The following COL10A1 variants were observed in gnomAD, a reference collection of about 807,000 sequenced individuals.
COL10A1 encodes the protein collagen alpha-1(X) chain.
COL10A1 carries 10 observed loss-of-function variants against 18.2 expected under a neutral mutation model. The ratio of observed to expected loss-of-function variants is 0.55; its 90% CI spans 0.34 to 0.93. The LOEUF is 0.93. COL10A1 is among the 40% of genes least tolerant of loss of function. COL10A1 has a pLI of 0.02. For synonymous variants in COL10A1, 330 were observed against 316.6 expected, an observed-to-expected ratio of 1.04 and a Z score of -0.45; for missense variants, 897 against 853.5, an observed-to-expected ratio of 1.05 and a Z score of -0.64.
intron 1 of COL10A1, among the ~76,000 whole-genome samples, chr6:116,135,872 T>TATATATATATACACAC (rs368675402): frequency 8.2e-6 from 1 of 121,312 alleles, no homozygotes; most frequent in African/African-American, 3.5e-5. Flanking sequence ...TATATATATA[T>TATATATATATACACAC]ACACACATAC....
chr6:116,142,296 A>G (rs989756815), intron 1 of COL10A1, among the ~76,000 whole-genome samples: 2 of 151,720 alleles, frequency 1.3e-5, no homozygotes, highest in African/African-American at 4.8e-5. Context: ...TTTTTTTTCA[A>G]TTTATTTGGC....
chr6:116,147,610 G>T (rs1779931085), intron 1 of COL10A1, among the ~76,000 whole-genome samples: 1 of 151,988 alleles, frequency 6.6e-6, no homozygotes, highest in Non-Finnish European at 1.5e-5. Context: ...AATTATAAAT[G>T]GCCTTAAACC....
At position 116,121,513 on chromosome 6, in the gene COL10A1, C is replaced by A. The variant is rs747962638; in HGVS notation, c.603G>T (p.Glu201Asp). 4.3e-6 allele frequency: 7 copies of A among 1,614,022 alleles called. No individual in the cohort carries two copies. The African/African-American group carries it at 6.7e-5, about 15-fold the overall frequency. The change falls in exon 3 of 3, where the codon GAG becomes GAT. Residue 201 changes from glutamate (E) to aspartate (D), a missense_variant. Physicochemically the swap from Glu to Asp is conservative, Grantham distance 45. Coordinates refer to ENST00000651968, the MANE Select transcript of COL10A1 (RefSeq NM_000493.4). The stretch of plus-strand genomic sequence containing the variant: ...GACCCTGAGGGCCTGGAAGACCCCT[C>A]TCACCTGGACGACCAGGAGCACCAT... ...MGYGAPGRPG[E>D]RGLPGPQGPT...
chr6:116,195,613 A>G, the COL10A1 span, among the ~76,000 whole-genome samples: 1 of 152,038 alleles, frequency 6.6e-6, no homozygotes, highest in Non-Finnish European at 1.5e-5. Context: ...TCAAATGTAC[A>G]TAATCAGGGG....
intron 1 of COL10A1, among the ~76,000 whole-genome samples, chr6:116,147,036 G>A (rs1319529863): frequency 1.3e-5 from 2 of 149,932 alleles, no homozygotes; most frequent in Non-Finnish European, 3.0e-5. Flanking sequence ...TAGTCAGAAA[G>A]CCTTTGAAGT....
the COL10A1 span, among the ~76,000 whole-genome samples, chr6:116,180,820 G>A: frequency 0.51 from 77,370 of 151,916 alleles, 20,797 homozygotes; most frequent in African/African-American, 0.69. Context: ...CTGTAGGTTA[G>A]AGGACATTTA....
chr6:116,148,098 C>A (rs2114387848), intron 1 of COL10A1, among the ~76,000 whole-genome samples: 1 of 152,062 alleles, frequency 6.6e-6, no homozygotes, highest in East Asian at 1.9e-4. Flanking sequence ...TGGTATACAG[C>A]ATTTGTGTAA....
At chr6:116,133,713 A>G (rs1779522598) in intron 1 of COL10A1, among the ~76,000 whole-genome samples, 2 of 152,178 alleles carry the variant, frequency 1.3e-5, no homozygotes, top group African/African-American at 4.8e-5. Flanking sequence ...CTTCCCTAAT[A>G]GTGCAAAGAT....
chr6:116,139,738 G>A (rs189048616), intron 1 of COL10A1, among the ~76,000 whole-genome samples: 122 of 152,220 alleles, frequency 8.0e-4, no homozygotes, highest in Non-Finnish European at 1.3e-3. Context: ...AGTAAGGAGA[G>A]AAATAGGAAT....
chr6:116,183,313 C>A, the COL10A1 span, among the ~76,000 whole-genome samples: 1 of 151,962 alleles, frequency 6.6e-6, no homozygotes, highest in Non-Finnish European at 1.5e-5. Flanking sequence ...AATGTGATGC[C>A]TCCAGATTTG....
upstream of COL10A1, among the ~76,000 whole-genome samples, chr6:116,163,141 A>AATATAT (rs1554197063): frequency 5.7e-4 from 50 of 88,388 alleles, 3 homozygotes; most frequent in South Asian, 8.8e-3. Context: ...AAAAAAAAAA[A>AATATAT]ATATATATAT....
At chr6:116,178,068 T>C in the COL10A1 span, among the ~76,000 whole-genome samples, 4,062 of 112,036 alleles carry the variant, frequency 0.036, 213 homozygotes, top group African/African-American at 0.15. Flanking sequence ...TGTGTGTGTG[T>C]GTGTGTGTGT....
the COL10A1 span, among the ~76,000 whole-genome samples, chr6:116,174,228 T>C: frequency 1.3e-5 from 2 of 152,214 alleles, no homozygotes; most frequent in Non-Finnish European, 2.9e-5. Flanking sequence ...CCCCTTTGCA[T>C]ACTCCGTTTT....
At chr6:116,122,982 G>A (rs554874419) in intron 2 of COL10A1, among the ~76,000 whole-genome samples, 1 of 152,048 alleles carries the variant, frequency 6.6e-6, no homozygotes, top group South Asian at 2.1e-4. Flanking sequence ...TGATTGTAGT[G>A]TACATACATG....
the COL10A1 span, among the ~76,000 whole-genome samples, chr6:116,204,222 GA>G: frequency 0.015 from 2,250 of 152,004 alleles, 24 homozygotes; most frequent in Non-Finnish European, 0.022. Context: ...TGTGTTTGTT[GA>G]ATTTTTATAA....
chr6:116,212,310 CAG>C, the COL10A1 span, among the ~76,000 whole-genome samples: 1 of 151,930 alleles, frequency 6.6e-6, no homozygotes, highest in Non-Finnish European at 1.5e-5. Context: ...TAGTGAAAAA[CAG>C]AGTAGTGCCT....
At chr6:116,176,421 C>CATGTACACCAGG in the COL10A1 span, among the ~76,000 whole-genome samples, 3 of 152,172 alleles carry the variant, frequency 2.0e-5, no homozygotes, top group Admixed American at 6.5e-5. Flanking sequence ...TTAGAGAAGC[C>CATGTACACCAGG]ATGTACACCA....
At chr6:116,178,054 TGTGTG>T in the COL10A1 span, among the ~76,000 whole-genome samples, 1 of 59,488 alleles carries the variant, frequency 1.7e-5, no homozygotes, top group Middle Eastern at 7.1e-3. Context: ...AAGAGGAAAG[TGTGTG>T]TGTGTGTGTG....
At chr6:116,199,108 C>T in the COL10A1 span, among the ~76,000 whole-genome samples, 1 of 151,828 alleles carries the variant, frequency 6.6e-6, no homozygotes, top group South Asian at 2.1e-4. Context: ...GCCAAATGTC[C>T]CTGGGGGGTG....
Sources: allele counts gnomAD v4.1 joint callset (sites outside exome capture counted in the v4.1 genomes callset), GRCh38; gene constraint gnomAD v4.1.1; transcripts MANE v1.5; gene names NCBI Gene and HGNC (gene_info 2026-07-23, HGNC 2026-07-21).